PDK1: variants seen among roughly 807,000 people sequenced by gnomAD.
The protein encoded by PDK1 is [Pyruvate dehydrogenase (acetyl-transferring)] kinase isozyme 1, mitochondrial.
Under a neutral mutation model 54.2 loss-of-function variants are expected in PDK1, and 39 were observed. The ratio of observed to expected loss-of-function variants is 0.72; its 90% CI spans 0.56 to 0.94. PDK1 has a LOEUF of 0.94. Ranked by LOEUF, PDK1 falls within the 40% of genes least tolerant of loss-of-function variation. The probability of loss-of-function intolerance (pLI) is 0.00; values close to 1 mark genes in which losing one functional copy is unlikely to be tolerated. For missense variants in PDK1, 552 were observed against 566.0 expected (o/e 0.98, Z 0.25); for synonymous variants, 221 against 207.1 (o/e 1.07, Z -0.58).
chr2:172,667,121 TC>T, the PDK1 span, among the ~76,000 whole-genome samples: 3 of 152,186 alleles, frequency 2.0e-5, no homozygotes, highest in Non-Finnish European at 2.9e-5. Context: ...TCACCCACTC[TC>T]ACCCTTTCAC....
the PDK1 span, among the ~76,000 whole-genome samples, chr2:172,685,771 T>C: frequency 6.6e-6 from 1 of 152,200 alleles, no homozygotes; most frequent in African/African-American, 2.4e-5. Context: ...GGTGACTTTT[T>C]GTTTCTATCA....
the PDK1 span, among the ~76,000 whole-genome samples, chr2:172,640,963 TTCTC>T: frequency 2.7e-5 from 4 of 147,104 alleles, no homozygotes; most frequent in South Asian, 2.3e-4. Context: ...CTTTCTCTGT[TTCTC>T]TCTTTCTTTC....
At chr2:172,703,582 T>TA in the PDK1 span, among the ~76,000 whole-genome samples, 1 of 151,834 alleles carries the variant, frequency 6.6e-6, no homozygotes, top group Non-Finnish European at 1.5e-5. Context: ...AAAATTAAAA[T>TA]AAAAAATCAA....
chr2:172,694,077 C>T, the PDK1 span, among the ~76,000 whole-genome samples: 1 of 152,218 alleles, frequency 6.6e-6, no homozygotes, highest in South Asian at 2.1e-4. Flanking sequence ...GCGACCATAG[C>T]AGAGAGGCAT....
At chr2:172,618,419 C>A in the PDK1 span, among the ~76,000 whole-genome samples, 3 of 152,150 alleles carry the variant, frequency 2.0e-5, no homozygotes, top group Non-Finnish European at 2.9e-5. Flanking sequence ...ATGATGGCAA[C>A]AAGCAATAAA....
intron 1 of PDK1, among the ~76,000 whole-genome samples, chr2:172,557,610 C>CGTGTGTGTGTGTGTGTGTGT (rs55753852): frequency 6.3e-5 from 9 of 141,938 alleles, no homozygotes; most frequent in African/African-American, 2.4e-4. Context: ...TCTTTTTTCC[C>CGTGTGTGTGTGTGTGTGTGT]GTGTGTGTGT....
Position 172,595,830 on chromosome 2 carries a change from C to A in PDK1, c.1172C>A (p.Ala391Asp). ...YGTDAVIYIK[A>D]LSTDSIERLP... ...AGGTCTTAGGTTTTTCTTTTTCAGG[C>A]TCTGTCAACAGACTCAATAGAAAGA... The change falls in exon 11 of 11, where the codon GCT becomes GAT. Residue 391 changes from alanine (A) to aspartate (D), a missense_variant and splice_region_variant. Ala to Asp is a moderately radical substitution (Grantham distance 126). Transcript: ENST00000282077. 6.2e-7 allele frequency: 1 copy of A among 1,612,988 alleles called. No homozygotes were observed. Among genetic ancestry groups the A allele is most frequent in the Non-Finnish European group, 8.5e-7 (1 of 1,179,334 alleles).
At chr2:172,622,747 A>G in the PDK1 span, among the ~76,000 whole-genome samples, 1 of 135,298 alleles carries the variant, frequency 7.4e-6, no homozygotes, top group African/African-American at 2.8e-5. Flanking sequence ...TATGTGAGAT[A>G]TGTTTATATC....
At chr2:172,656,976 T>C in the PDK1 span, among the ~76,000 whole-genome samples, 3 of 152,248 alleles carry the variant, frequency 2.0e-5, no homozygotes, top group East Asian at 5.8e-4. Flanking sequence ...CCCAAGCTCA[T>C]TCACGTTGAG....
chr2:172,657,511 TAC>T, the PDK1 span, among the ~76,000 whole-genome samples: 1 of 149,964 alleles, frequency 6.7e-6, no homozygotes, highest in East Asian at 2.0e-4. Flanking sequence ...AATATTAATT[TAC>T]AGATAAAATC....
chr2:172,621,940 A>C, the PDK1 span, among the ~76,000 whole-genome samples: 34 of 146,468 alleles, frequency 2.3e-4, no homozygotes, highest in South Asian at 8.6e-4. Flanking sequence ...TTTATATCTC[A>C]TATATGTGGT....
the PDK1 span, among the ~76,000 whole-genome samples, chr2:172,621,280 G>C: frequency 6.6e-6 from 1 of 152,160 alleles, no homozygotes; most frequent in African/African-American, 2.4e-5. Flanking sequence ...CACTTAATCT[G>C]GGTGAGCACC....
At chr2:172,626,854 T>G in the PDK1 span, among the ~76,000 whole-genome samples, 2,696 of 152,180 alleles carry the variant, frequency 0.018, 74 homozygotes, top group African/African-American at 0.061. Context: ...GATAAACTAA[T>G]TTACAGAGAT....
chr2:172,646,047 T>C, the PDK1 span, among the ~76,000 whole-genome samples: 3 of 152,226 alleles, frequency 2.0e-5, no homozygotes, highest in East Asian at 3.8e-4. Flanking sequence ...ATAACACCTT[T>C]TAAAATACTA....
the PDK1 span, among the ~76,000 whole-genome samples, chr2:172,719,657 CA>C: frequency 6.6e-6 from 1 of 151,482 alleles, no homozygotes; most frequent in African/African-American, 2.4e-5. Flanking sequence ...TATATGTTTC[CA>C]ATATATGTTT....
At chr2:172,588,330 A>C (rs1321532769) in intron 9 of PDK1, among the ~76,000 whole-genome samples, 1 of 152,218 alleles carries the variant, frequency 6.6e-6, no homozygotes, top group East Asian at 1.9e-4. Context: ...CTCTGGATCT[A>C]AACTCTTTGG....
the PDK1 span, among the ~76,000 whole-genome samples, chr2:172,668,788 A>G: frequency 4.9e-5 from 7 of 141,832 alleles, no homozygotes; most frequent in Non-Finnish European, 7.6e-5. Context: ...ACACACACAT[A>G]TATGTATGTG....
At chr2:172,713,979 A>G in the PDK1 span, among the ~76,000 whole-genome samples, 2 of 152,262 alleles carry the variant, frequency 1.3e-5, no homozygotes, top group Non-Finnish European at 2.9e-5. Context: ...GAAAGTTATC[A>G]TACCCATTTT....
the PDK1 span, among the ~76,000 whole-genome samples, chr2:172,660,244 TCTC>T: frequency 4.7e-5 from 4 of 85,256 alleles, no homozygotes; most frequent in Admixed American, 2.8e-4. Context: ...TCTCTCTCTC[TCTC>T]TTTTTTTTTT....
Sources: gnomAD v4.1 joint callset for allele counts (sites outside exome capture counted in the v4.1 genomes callset) on GRCh38, gnomAD v4.1.1 for gene constraint, MANE v1.5 for transcripts, NCBI Gene and HGNC (gene_info 2026-07-23, HGNC 2026-07-21) for gene names.